DLG2: variants seen among roughly 807,000 people sequenced by gnomAD.
DLG2 encodes disks large homolog 2.
In DLG2, 45 loss-of-function variants were observed where a neutral mutation model predicts 132.5. That is an observed-to-expected ratio of 0.34 (90% CI 0.27 to 0.44). The LOEUF is 0.44. Among genes scored for constraint, DLG2 ranks in the 20% least tolerant of loss-of-function variants. The pLI is 1.00. For synonymous variants in DLG2, 424 were observed against 419.6 expected, an observed-to-expected ratio of 1.01 and a Z score of -0.13; for missense variants, 1,045 against 1,196.9, an observed-to-expected ratio of 0.87 and a Z score of 1.87.
intron 7 of DLG2, among the ~76,000 whole-genome samples, chr11:84,409,555 A>G (rs1031225597): frequency 6.6e-6 from 1 of 152,240 alleles, no homozygotes; most frequent in Non-Finnish European, 1.5e-5. Context: ...CACACTTAAT[A>G]CTTACAACAA....
intron 6 of DLG2, among the ~76,000 whole-genome samples, chr11:84,748,535 G>A (rs534641592): frequency 2.0e-5 from 3 of 152,052 alleles, no homozygotes; most frequent in Non-Finnish European, 2.9e-5. Flanking sequence ...CCCCTACTTT[G>A]TGCTATCAGG....
chr11:85,605,590 T>C (rs116787995), intron 2 of DLG2, among the ~76,000 whole-genome samples: 72 of 152,296 alleles, frequency 4.7e-4, no homozygotes, highest in African/African-American at 1.5e-3. Context: ...CTGAACAAAA[T>C]AGGCAATAGT....
At chr11:84,222,367 G>A (rs927325459) in intron 8 of DLG2, among the ~76,000 whole-genome samples, 8 of 151,958 alleles carry the variant, frequency 5.3e-5, no homozygotes, top group Admixed American at 5.2e-4. Context: ...ACTTTCTGAT[G>A]ACATTTAATT....
At chr11:85,066,206 G>T (rs951898720) in intron 6 of DLG2, among the ~76,000 whole-genome samples, 2 of 151,482 alleles carry the variant, frequency 1.3e-5, no homozygotes, top group East Asian at 1.9e-4. Context: ...CAGAAAAGAT[G>T]AACAAATTCC....
chr11:85,156,751 T>A (rs972645731), intron 4 of DLG2, among the ~76,000 whole-genome samples: 2 of 152,314 alleles, frequency 1.3e-5, no homozygotes, highest in Admixed American at 6.5e-5. Flanking sequence ...CATCATAGAC[T>A]AAGCGCAAAG....
chr11:83,474,130 A>G (rs2092381240), intron 22 of DLG2, among the ~76,000 whole-genome samples: 1 of 152,120 alleles, frequency 6.6e-6, no homozygotes, highest in Non-Finnish European at 1.5e-5. Flanking sequence ...CCTAAGTGGT[A>G]TGTACCCATG....
At chr11:85,317,073 G>A (rs2080735036) in intron 3 of DLG2, among the ~76,000 whole-genome samples, 3 of 151,880 alleles carry the variant, frequency 2.0e-5, no homozygotes, top group South Asian at 2.1e-4. Context: ...GTAAAAGGGG[G>A]CAGAAGTGGA....
At chr11:83,704,770 T>C (rs1380082191) in intron 18 of DLG2, among the ~76,000 whole-genome samples, 1 of 151,926 alleles carries the variant, frequency 6.6e-6, no homozygotes, top group African/African-American at 2.4e-5. Context: ...GAGGTGGCAG[T>C]GAGCCGAGAT....
intron 19 of DLG2, among the ~76,000 whole-genome samples, chr11:83,623,306 C>G (rs2061939911): frequency 6.6e-6 from 1 of 152,112 alleles, no homozygotes; most frequent in Admixed American, 6.5e-5. Context: ...ATTTGATTAA[C>G]AAGGGGCAAG....
At chr11:84,601,669 T>C (rs1384161361) in intron 6 of DLG2, among the ~76,000 whole-genome samples, 1 of 152,108 alleles carries the variant, frequency 6.6e-6, no homozygotes, top group African/African-American at 2.4e-5. Flanking sequence ...CACGTGATGA[T>C]GTTAAATGAA....
chr11:85,385,856 C>T (rs1450346934), intron 3 of DLG2, among the ~76,000 whole-genome samples: 1 of 152,098 alleles, frequency 6.6e-6, no homozygotes, highest in African/African-American at 2.4e-5. Flanking sequence ...TGTTAAATCC[C>T]TGTTTCAGAA....
intron 3 of DLG2, among the ~76,000 whole-genome samples, chr11:85,443,118 A>T (rs1275537366): frequency 6.6e-6 from 1 of 152,202 alleles, no homozygotes; most frequent in Non-Finnish European, 1.5e-5. Flanking sequence ...AGTCAGTGTA[A>T]TCTTTATAAA....
intron 6 of DLG2, among the ~76,000 whole-genome samples, chr11:84,677,246 G>A (rs975594437): frequency 6.6e-6 from 1 of 151,918 alleles, no homozygotes; most frequent in African/African-American, 2.4e-5. Context: ...CAGTCATTCC[G>A]GGCATCCCCA....
intron 3 of DLG2, among the ~76,000 whole-genome samples, chr11:85,501,820 G>T (rs905576379): frequency 1.3e-5 from 2 of 152,136 alleles, no homozygotes; most frequent in African/African-American, 4.8e-5. Flanking sequence ...ATTGTTGGTG[G>T]GAGTATAAAT....
chr11:84,492,070 T>TTTATAAAATAGAGTGTTGA (rs1464147416), intron 7 of DLG2, among the ~76,000 whole-genome samples: 9 of 152,130 alleles, frequency 5.9e-5, no homozygotes, highest in African/African-American at 2.2e-4. Flanking sequence ...CCGAACAGAA[T>TTTATAAAATAGAGTGTTGA]TTATAAAATA....
chr11:83,977,799 A>G (rs2092406687), intron 12 of DLG2, among the ~76,000 whole-genome samples: 1 of 152,098 alleles, frequency 6.6e-6, no homozygotes, highest in Non-Finnish European at 1.5e-5. Flanking sequence ...GTTTTCTTCT[A>G]GAATCCTGGG....
intron 3 of DLG2, among the ~76,000 whole-genome samples, chr11:85,536,341 T>C (rs1275670022): frequency 2.0e-5 from 3 of 152,210 alleles, no homozygotes; most frequent in Non-Finnish European, 4.4e-5. Context: ...TGAAGCACTT[T>C]GGGAGGACCC....
At chr11:84,940,110 A>T (rs1374283225) in intron 6 of DLG2, among the ~76,000 whole-genome samples, 2 of 152,136 alleles carry the variant, frequency 1.3e-5, no homozygotes, top group Non-Finnish European at 2.9e-5. Flanking sequence ...TTTTGGATAA[A>T]AGCCATTTTT....
chr11:84,660,044 C>T (rs181341763), intron 6 of DLG2, among the ~76,000 whole-genome samples: 1 of 152,150 alleles, frequency 6.6e-6, no homozygotes, highest in Admixed American at 6.5e-5. Flanking sequence ...CTCACTTGAG[C>T]CTTAGTGCTC....
Sources: gnomAD v4.1 joint callset for allele counts (sites outside exome capture counted in the v4.1 genomes callset) on GRCh38, gnomAD v4.1.1 for gene constraint, MANE v1.5 for transcripts, NCBI Gene and HGNC (gene_info 2026-07-23, HGNC 2026-07-21) for gene names.